NFX1: variants seen among roughly 807,000 people sequenced by gnomAD.
NFX1 encodes transcriptional repressor NF-X1.
NFX1 carries 69 observed loss-of-function variants against 137.2 expected under a neutral mutation model. The observed-to-expected ratio is 0.50, with a 90% CI of 0.41 to 0.61. The LOEUF is 0.61. NFX1 is among the 20% of genes least tolerant of loss of function. The pLI is 0.00. For missense variants in NFX1, 1,167 were observed against 1,391.0 expected, an observed-to-expected ratio of 0.84 and a Z score of 2.56; for synonymous variants, 495 against 474.1, an observed-to-expected ratio of 1.04 and a Z score of -0.57.
chr9:33,315,967 G>A (rs1295574712), intron 7 of NFX1, among the ~76,000 whole-genome samples: 3 of 151,636 alleles, frequency 2.0e-5, no homozygotes, highest in Admixed American at 6.6e-5. Flanking sequence ...AGTATTGTTC[G>A]AAACTCGGTG....
intron 10 of NFX1, among the ~76,000 whole-genome samples, chr9:33,331,915 G>A (rs867647943): frequency 8.5e-5 from 13 of 152,074 alleles, no homozygotes; most frequent in African/African-American, 2.7e-4. Flanking sequence ...GCAAAATTAC[G>A]TGATAGACCT....
At chr9:33,363,263 GTATTATTAT>G (rs60988084) in intron 19 of NFX1, among the ~76,000 whole-genome samples, 226 of 144,824 alleles carry the variant, frequency 1.6e-3, no homozygotes, top group African/African-American at 3.3e-3. Context: ...ATAAAGAAAT[GTATTATTAT>G]TATTATTATT....
At chr9:33,358,529 A>T (rs1823887549) in intron 19 of NFX1, among the ~76,000 whole-genome samples, 1 of 152,034 alleles carries the variant, frequency 6.6e-6, no homozygotes, top group African/African-American at 2.4e-5. Context: ...GCAAATTACA[A>T]GGACTTCATT....
At chr9:33,308,079 A>G (rs1821824923) in intron 5 of NFX1, among the ~76,000 whole-genome samples, 1 of 152,130 alleles carries the variant, frequency 6.6e-6, no homozygotes, top group South Asian at 2.1e-4. Flanking sequence ...TGCCAGGATT[A>G]CTGGTGTGAG....
Position 33,293,004 on chromosome 9 carries a change from C to A in NFX1, c.26-1416C>A, listed in dbSNP as rs567291860. On this transcript the variant is annotated intron_variant, in intron 1 of 23. Transcript: ENST00000379540. ...CTCCATCCCATCCCCTAGAATTCTG[C>A]CTATGTGAAAGCTTTCAGGACAAAT... 3.3e-5 allele frequency among the ~76,000 whole-genome samples: 5 copies of A among 152,316 alleles called. No individual in the cohort carries two copies. The East Asian group carries it at 9.6e-4, about 29-fold the overall frequency.
chr9:33,322,062 A>T (rs1249899825), intron 9 of NFX1, among the ~76,000 whole-genome samples: 1 of 151,726 alleles, frequency 6.6e-6, no homozygotes. Context: ...TTAGCCAGGC[A>T]TGGTGGCACA....
intron 16 of NFX1, 137 bp from the exon 17 acceptor site, chr9:33,352,509 T>G: frequency 1.3e-6 from 1 of 748,162 alleles, no homozygotes; most frequent in Non-Finnish European, 2.4e-6. Flanking sequence ...TGTGGTTAGC[T>G]TCTTCCAGCT....
chr9:33,368,258 C>G (rs1212481071), intron 23 of NFX1, among the ~76,000 whole-genome samples: 1 of 151,928 alleles, frequency 6.6e-6, no homozygotes, highest in Non-Finnish European at 1.5e-5. Context: ...AATAGTTACT[C>G]TGAAGATGCA....
intron 19 of NFX1, among the ~76,000 whole-genome samples, chr9:33,359,415 A>G (rs929975574): frequency 1.1e-4 from 16 of 152,108 alleles, no homozygotes; most frequent in African/African-American, 3.4e-4. Context: ...CCTGGTCAAC[A>G]TGGTGAAACC....
chr9:33,364,023 G>A lies in NFX1; in HGVS notation c.2887G>A (p.Ala963Thr). The A allele has an allele frequency of 3.8e-6, 6 of 1,583,738 alleles. No individual in the cohort carries two copies. The highest frequency in any genetic ancestry group is 4.3e-6 in the Non-Finnish European group (5 of 1,166,156). Residue 963 changes from alanine (A) to threonine (T), a missense_variant, in exon 20 of 24, where the codon GCA becomes ACA. Transcript: ENST00000379540. ...TCTCTCTTTCAGGAGATTAGCAGAGGCATTTCATATCAGTGAGGATTCTGA... is the reference window on the plus strand; with the variant it reads ...TCTCTCTTTCAGGAGATTAGCAGAGACATTTCATATCAGTGAGGATTCTGA... ...ALERKKRLAE[A>T]FHISEDSDPF...
Position 33,307,261 on chromosome 9 carries a change from G to T in NFX1, c.1338G>T (p.Lys446Asn). The T allele has an allele frequency of 5.6e-6, 9 of 1,614,176 alleles. No homozygotes were observed. The highest frequency in any genetic ancestry group is 7.6e-6 in the Non-Finnish European group (9 of 1,179,996). The part of the protein sequence containing the change: ...IPHSCGEVCR[K>N]KQPGQDCPHS... The stretch of plus-strand genomic sequence containing the variant: ...ATAGCTGTGGTGAGGTTTGTAGAAA[G>T]AAACAGCCTGGCCAGGACTGCCCAC... Residue 446 changes from lysine (K) to asparagine (N), a missense_variant, in exon 5 of 24, where the codon AAG becomes AAT. Coordinates refer to ENST00000379540, the MANE Select transcript of NFX1 (RefSeq NM_002504.6).
chr9:33,307,672 G>C (rs1359515322), intron 5 of NFX1, among the ~76,000 whole-genome samples: 2 of 152,082 alleles, frequency 1.3e-5, no homozygotes, highest in African/African-American at 4.8e-5. Context: ...ATCCCGCATT[G>C]ATATCCAGGT....
rs1181635527 is a variant in NFX1, at chr9:33,313,847, T to G, written c.1588+54T>G. 11 of 1,565,214 alleles carry G rather than the reference T, an allele frequency of 7.0e-6. No homozygotes were observed. The African/African-American group carries it at 1.5e-4, about 21-fold the overall frequency. ...GCTTGTGTTCTTTTCTGGAACCTTA[T>G]TAATGATTGTCTTGATAAACTTTGA... On this transcript the variant is annotated intron_variant, in intron 7 of 23. Coordinates refer to ENST00000379540, the MANE Select transcript of NFX1 (RefSeq NM_002504.6).
At chr9:33,323,492 C>T (rs1070047) in intron 9 of NFX1, among the ~76,000 whole-genome samples, 2 of 152,050 alleles carry the variant, frequency 1.3e-5, no homozygotes, top group African/African-American at 2.4e-5. Flanking sequence ...TGGTGGCTCA[C>T]GCCTGTAATC....
At chr9:33,366,593 G>A in intron 21 of NFX1, 36 bp from the exon 22 acceptor site, 1 of 1,610,378 alleles carries the variant, frequency 6.2e-7, no homozygotes, top group South Asian at 1.1e-5. Context: ...TTTTCAGAAT[G>A]ATATGATCAA....
chr9:33,290,722 G>C, intron 1 of NFX1, 125 bp downstream of exon 1: 1 of 897,596 alleles, frequency 1.1e-6, no homozygotes, highest in Non-Finnish European at 1.7e-6. Flanking sequence ...TAGGATAGTG[G>C]CTCGGAAGGG....
At chr9:33,338,006 G>A (rs181845942) in intron 11 of NFX1, among the ~76,000 whole-genome samples, 69 of 145,338 alleles carry the variant, frequency 4.7e-4, no homozygotes, top group African/African-American at 1.4e-3. Context: ...CCAAGATTGC[G>A]CCATTGCACT....
intron 9 of NFX1, among the ~76,000 whole-genome samples, chr9:33,326,589 A>G (rs1329738980): frequency 1.3e-5 from 2 of 152,004 alleles, no homozygotes; most frequent in African/African-American, 2.4e-5. Flanking sequence ...ACATGGTGGT[A>G]TGTGCCTGTA....
intron 15 of NFX1, 106 bp downstream of exon 15, chr9:33,347,223 T>C (rs1823455742): frequency 2.4e-6 from 2 of 849,352 alleles, no homozygotes; most frequent in African/African-American, 3.4e-5. Context: ...CACTCAGAAG[T>C]AGAAGCTTTC....
Sources: allele counts gnomAD v4.1 joint callset (sites outside exome capture counted in the v4.1 genomes callset), GRCh38; gene constraint gnomAD v4.1.1; transcripts MANE v1.5; gene names NCBI Gene and HGNC (gene_info 2026-07-23, HGNC 2026-07-21).